THUMPD2: variants seen among roughly 807,000 people sequenced by gnomAD.
THUMPD2 encodes the protein U6 snRNA (guanine-N(2))-methyltransferase THUMPD2.
In THUMPD2, 56 loss-of-function variants were observed where a neutral mutation model predicts 49.4. The ratio of observed to expected loss-of-function variants is 1.13; its 90% CI spans 0.91 to 1.41. THUMPD2 has a LOEUF of 1.41. THUMPD2 is among the 40% of genes most tolerant of loss of function. The pLI, the probability that THUMPD2 is intolerant of heterozygous loss-of-function variation, is 0.00. For synonymous variants in THUMPD2, 237 were observed against 205.2 expected, an observed-to-expected ratio of 1.15 and a Z score of -1.32; for missense variants, 709 against 594.5, an observed-to-expected ratio of 1.19 and a Z score of -2.00.
chr2:39,771,735 A>AT, intron 1 of THUMPD2, 95 bp from the exon 2 acceptor site: 6 of 1,292,660 alleles, frequency 4.6e-6, no homozygotes. Flanking sequence ...AAAAATAAAA[A>AT]TAACCATTTC....
At chr2:39,770,281 A>C (rs1678135445) in intron 2 of THUMPD2, among the ~76,000 whole-genome samples, 162 bp from the exon 3 acceptor site, 1 of 152,146 alleles carries the variant, frequency 6.6e-6, no homozygotes, top group East Asian at 1.9e-4. Flanking sequence ...TCCATTTACC[A>C]TAAGAATATT....
At chr2:39,738,399 C>CA (rs1291843745) in intron 9 of THUMPD2, among the ~76,000 whole-genome samples, 1 of 151,358 alleles carries the variant, frequency 6.6e-6, no homozygotes, top group Non-Finnish European at 1.5e-5. Context: ...ATGTCTCTAC[C>CA]AAAAAAATAC....
At chr2:39,768,932 A>G (rs1468553456) in intron 3 of THUMPD2, 16 of 1,303,388 alleles carry the variant, frequency 1.2e-5, no homozygotes, top group South Asian at 6.2e-5. Context: ...TAAGGTTGAT[A>G]AAGTATTCAG....
intron 1 of THUMPD2, among the ~76,000 whole-genome samples, chr2:39,777,901 GCT>G (rs1044506589): frequency 5.3e-5 from 8 of 151,916 alleles, no homozygotes; most frequent in Admixed American, 3.3e-4. Context: ...ATTGGGCCAA[GCT>G]CTCTCTCTCT....
At chr2:39,748,291 A>G (rs2148214359) in intron 8 of THUMPD2, among the ~76,000 whole-genome samples, 1 of 152,338 alleles carries the variant, frequency 6.6e-6, no homozygotes, top group South Asian at 2.1e-4. Flanking sequence ...TTGAAGGCTT[A>G]CACTTTAAAA....
rs373646637 is a variant in THUMPD2 at position 39,771,505 on chromosome 2, C to T, written c.262G>A (p.Gly88Arg). 3.8e-6 allele frequency: 6 copies of T among 1,597,508 alleles called. No homozygotes were observed. Among genetic ancestry groups the T allele is most frequent in the Middle Eastern group, 1.7e-4 (1 of 5,992 alleles). ...CAACATGCATATGAATATGCCATAC[C>T]TTTACTTACAGAAGAAATAATAAGT... The part of the protein sequence containing the change: ...FPLIISSVSK[G>R]KIFNEMQRLI... The change falls in exon 2 of 10, where the codon GGA (glycine) becomes AGA (arginine). Residue 88 changes from glycine to arginine, a missense_variant and splice_region_variant. Physicochemically the swap from Gly to Arg is moderately radical, Grantham distance 125. Transcript: ENST00000505747.
chr2:39,770,555 A>G (rs1307141331), intron 2 of THUMPD2, among the ~76,000 whole-genome samples: 1 of 152,134 alleles, frequency 6.6e-6, no homozygotes, highest in Admixed American at 6.5e-5. Flanking sequence ...GGCCTGTTAC[A>G]TTTTAGCCCA....
At chr2:39,778,155 A>G (rs780179512) in intron 1 of THUMPD2, among the ~76,000 whole-genome samples, 7 of 152,364 alleles carry the variant, frequency 4.6e-5, no homozygotes, top group African/African-American at 1.4e-4. Context: ...GCTGTTGTGA[A>G]AAGTACGCAA....
chr2:39,769,003 C>A (rs1038058299), intron 3 of THUMPD2: 26 of 1,304,560 alleles, frequency 2.0e-5, no homozygotes, highest in Non-Finnish European at 2.4e-5. Context: ...CTGGTGATGG[C>A]AACAGTTTGT....
intron 8 of THUMPD2, among the ~76,000 whole-genome samples, chr2:39,753,315 G>A (rs1012965201): frequency 1.1e-4 from 16 of 152,156 alleles, no homozygotes; most frequent in African/African-American, 3.9e-4. Flanking sequence ...AGAAGCAGCT[G>A]ACACAGCTGA....
At chr2:39,754,091 C>T (rs1666791178) in intron 8 of THUMPD2, among the ~76,000 whole-genome samples, 2 of 152,146 alleles carry the variant, frequency 1.3e-5, no homozygotes, top group African/African-American at 4.8e-5. Context: ...ACTCAGTACT[C>T]CCTCCTTCAT....
At chr2:39,754,929 ATTAT>A (rs1167579476) in intron 8 of THUMPD2, among the ~76,000 whole-genome samples, 1 of 152,226 alleles carries the variant, frequency 6.6e-6, no homozygotes, top group Non-Finnish European at 1.5e-5. Flanking sequence ...AACATTTCAT[ATTAT>A]TTATTCAAAA....
At chr2:39,768,353 G>A in intron 4 of THUMPD2, 71 bp downstream of exon 4, 1 of 1,264,718 alleles carries the variant, frequency 7.9e-7, no homozygotes, top group Non-Finnish European at 1.1e-6. Flanking sequence ...GGAAAAGTAT[G>A]ATAAGAATAC....
chr2:39,758,786 A>T (rs1458976215), intron 6 of THUMPD2, among the ~76,000 whole-genome samples: 2 of 133,346 alleles, frequency 1.5e-5, no homozygotes, highest in African/African-American at 2.9e-5. Context: ...TGGCACATCT[A>T]AAAAAAAAAA....
At position 39,750,555 on chromosome 2, in the gene THUMPD2, A is replaced by T. The variant is rs528677051; in HGVS notation, c.1078+4740T>A. 9.3e-4 allele frequency among the ~76,000 whole-genome samples: 142 copies of T among 152,282 alleles called. 2 individuals are homozygous for T. In the Middle Eastern group the frequency reaches 0.02, roughly 22 times the overall value. On this transcript the variant is annotated intron_variant, in intron 8 of 9. Transcript: ENST00000505747. ...AACCTTGTCTTTACTAAAAATATAA[A>T]AATTAGCTGGGGGTGATGGTGTGTG...
chr2:39,762,800 G>A (rs1676994231), intron 5 of THUMPD2, among the ~76,000 whole-genome samples: 1 of 149,812 alleles, frequency 6.7e-6, no homozygotes. Flanking sequence ...AAAGGGAGAC[G>A]CAGTATGGGA....
At chr2:39,762,452 C>A (rs909117455) in intron 5 of THUMPD2, among the ~76,000 whole-genome samples, 1 of 152,092 alleles carries the variant, frequency 6.6e-6, no homozygotes, top group African/African-American at 2.4e-5. Flanking sequence ...AAATGATATA[C>A]CCCTTTAAAA....
At chr2:39,758,785 TA>T (rs372395566) in intron 6 of THUMPD2, among the ~76,000 whole-genome samples, 2,971 of 123,054 alleles carry the variant, frequency 0.024, 39 homozygotes, top group Middle Eastern at 0.061. Context: ...ATGGCACATC[TA>T]AAAAAAAAAA....
At chr2:39,777,978 A>T (rs1009428510) in intron 1 of THUMPD2, among the ~76,000 whole-genome samples, 4 of 152,174 alleles carry the variant, frequency 2.6e-5, no homozygotes, top group African/African-American at 9.7e-5. Context: ...TGTCATGGTC[A>T]TATAGTGGGC....
Sources: gnomAD v4.1 joint callset for allele counts (sites outside exome capture counted in the v4.1 genomes callset) on GRCh38, gnomAD v4.1.1 for gene constraint, MANE v1.5 for transcripts, NCBI Gene and HGNC (gene_info 2026-07-23, HGNC 2026-07-21) for gene names.